Variants in CCDC85C observed in about 807,000 individuals in gnomAD.
The protein encoded by CCDC85C is coiled-coil domain containing 85C, also known as coiled-coil domain-containing protein 85C.
Under a neutral mutation model 38.3 loss-of-function variants are expected in CCDC85C, and 18 were observed. The ratio of observed to expected loss-of-function variants is 0.47; its 90% CI spans 0.33 to 0.70. CCDC85C has a LOEUF of 0.70. Ranked by LOEUF, CCDC85C falls within the 30% of genes least tolerant of loss-of-function variation. CCDC85C has a pLI of 0.03. For missense variants in CCDC85C, 566 were observed against 621.2 expected (o/e 0.91, Z 0.94); for synonymous variants, 264 against 293.8 (o/e 0.90, Z 1.04).
rs754132563 is a variant in CCDC85C at position 99,558,020 on chromosome 14, G to T, written c.794-21932C>A. ...GATGAAATATCACAGAAGAAAGTGC[G>T]TGTGCAGCTTAATCTTAGGGGAAAA... On this transcript the variant is annotated intron_variant, in intron 1 of 5. Coordinates refer to ENST00000380243, the MANE Select transcript of CCDC85C (RefSeq NM_001144995.2). This position sits in a 1 kb window ranked among gnomAD's most constrained non-coding sequence, Gnocchi z 4.2. Among the ~76,000 whole-genome samples the T allele has an allele frequency of 1.3e-5, 2 of 152,132 alleles. No individual in the cohort carries two copies. Among genetic ancestry groups the T allele is most frequent in the African/African-American group, 4.8e-5 (2 of 41,400 alleles).
At position 99,603,809 on chromosome 14, in the gene CCDC85C, C is replaced by A. The variant is rs1410973348; in HGVS notation, c.151G>T (p.Gly51Cys). ...EKVGLMLEHG[G>C]LMRDVNRRLQ... The stretch of plus-strand genomic sequence containing the variant: ...CGCCGGTTCACGTCGCGCATCAGGC[C>A]GCCGTGCTCCAGCATGAGGCCCACC... Residue 51 changes from glycine (G) to cysteine (C), a missense_variant, in exon 1 of 6, where the codon GGC (glycine) becomes TGC (cysteine). By Grantham distance (159) the Gly-to-Cys change is radical. This residue lies in a region of CCDC85C where 269 missense variants were observed against 308.2 expected (regional missense o/e 0.87). Transcript: ENST00000380243. This position sits in a 1 kb window ranked among gnomAD's most constrained non-coding sequence, Gnocchi z 7.5. The A allele has an allele frequency of 6.6e-7, 1 of 1,525,216 alleles. No homozygotes were observed. The allele number at this position is 1,525,216 out of a possible 1,614,324, so 94.5% of individuals were successfully genotyped here. A position where few individuals can be genotyped will look rare whatever the true frequency, so the allele number is the denominator to read the frequency against.
rs1167698694 is a variant in CCDC85C at position 99,513,407 on chromosome 14, A to C, written c.*1839T>G. ...CACCCAACTTCACGTGTACACCCCT[A>C]GTGACCGGGAGCGCACCACCTGACC... On this transcript the variant is annotated 3_prime_UTR_variant, in exon 6 of 6. Transcript: ENST00000380243. 6.6e-6 allele frequency: 1 copy of C among 152,234 alleles called. No homozygotes were observed. The highest frequency in any genetic ancestry group is 1.5e-5 in the Non-Finnish European group (1 of 68,066). 9.4% of individuals were successfully genotyped at this position (152,234 alleles called of 1,614,324 possible).
intron 1 of CCDC85C, among the ~76,000 whole-genome samples, chr14:99,556,583 A>G (rs564898019): frequency 1.3e-5 from 2 of 152,286 alleles, no homozygotes; most frequent in African/African-American, 4.8e-5. Flanking sequence ...CAGTGTGATC[A>G]TGGCTCACCT....
chr14:99,589,831 C>T (rs2055066594), intron 1 of CCDC85C, among the ~76,000 whole-genome samples: 2 of 152,190 alleles, frequency 1.3e-5, no homozygotes, highest in South Asian at 4.1e-4. Context: ...CCAGGAGAAT[C>T]CCGCCACTGC....
chr14:99,588,018 G>A lies in CCDC85C; in HGVS notation c.793+15149C>T, dbSNP rs991588387. On this transcript the variant is annotated intron_variant, in intron 1 of 5. Coordinates refer to ENST00000380243, the MANE Select transcript of CCDC85C (RefSeq NM_001144995.2). This position sits in a 1 kb window ranked among gnomAD's most constrained non-coding sequence, Gnocchi z 5.0. ...GGTCTCCCCTCAGCCCTTCCAGCTC[G>A]CCTGTGCCTGCCAGCCCTCACTTGA... Among the ~76,000 whole-genome samples the A allele has an allele frequency of 2.6e-5, 4 of 152,054 alleles. No homozygotes were observed. The highest frequency in any genetic ancestry group is 2.1e-4 in the South Asian group (1 of 4,824).
At chr14:99,578,050 A>AGT (rs145972098) in intron 1 of CCDC85C, among the ~76,000 whole-genome samples, 3 of 71,418 alleles carry the variant, frequency 4.2e-5, no homozygotes, top group African/African-American at 1.8e-4. Context: ...CCCCCATCAG[A>AGT]GTGTGTGTGT....
intron 1 of CCDC85C, among the ~76,000 whole-genome samples, chr14:99,584,056 CT>C (rs994333828): frequency 1.7e-4 from 26 of 151,874 alleles, no homozygotes; most frequent in Admixed American, 3.3e-4. Flanking sequence ...ACTTTTGCAA[CT>C]TTTTTTTCTT....
rs770745891 is a variant in CCDC85C at position 99,510,718 on chromosome 14, C to G, written c.*4528G>C. 4 of 1,429,310 alleles carry G rather than the reference C, an allele frequency of 2.8e-6. No individual in the cohort carries two copies. Among genetic ancestry groups the G allele is most frequent in the Non-Finnish European group, 3.7e-6 (4 of 1,090,578 alleles). 88.5% of individuals were successfully genotyped at this position (1,429,310 alleles called of 1,614,324 possible). On this transcript the variant is annotated 3_prime_UTR_variant, in exon 6 of 6. Coordinates refer to ENST00000380243, the MANE Select transcript of CCDC85C (RefSeq NM_001144995.2). ...CCTGGAGGACAGCCTCCTGTGCCCCCGCCCATTCCCCCACCCGGCATGCCT... is the reference window on the plus strand; with the variant it reads ...CCTGGAGGACAGCCTCCTGTGCCCCGGCCCATTCCCCCACCCGGCATGCCT...
chr14:99,596,152 C>G (rs377559023), intron 1 of CCDC85C, among the ~76,000 whole-genome samples: 1 of 152,212 alleles, frequency 6.6e-6, no homozygotes, highest in Non-Finnish European at 1.5e-5. Context: ...CCGGCTCTCC[C>G]GGGCCTGGCA....
intron 1 of CCDC85C, among the ~76,000 whole-genome samples, chr14:99,546,595 T>C (rs1422453096): frequency 6.6e-6 from 1 of 151,810 alleles, no homozygotes; most frequent in Non-Finnish European, 1.5e-5. Context: ...ACCAGCCAGG[T>C]GGTAGGATTC....
chr14:99,516,115 G>T lies in CCDC85C; in HGVS notation c.1170+73C>A. On this transcript the variant is annotated intron_variant, in intron 5 of 5. Transcript: ENST00000380243. This position sits in a 1 kb window ranked among gnomAD's most constrained non-coding sequence, Gnocchi z 5.5. ...GAAATGGAGTCCCACATGGGGAAGGGTATGGCCATGCTGGGTGGCCCTGGT... is the reference window on the plus strand; with the variant it reads ...GAAATGGAGTCCCACATGGGGAAGGTTATGGCCATGCTGGGTGGCCCTGGT... 1.8e-6 allele frequency: 2 copies of T among 1,138,152 alleles called. No homozygotes were observed. The highest frequency in any genetic ancestry group is 1.5e-5 in the African/African-American group (1 of 65,202). The allele number at this position is 1,138,152 out of a possible 1,614,324, so 70.5% of individuals were successfully genotyped here. A position where few individuals can be genotyped will look rare whatever the true frequency, so the allele number is the denominator to read the frequency against.
intron 1 of CCDC85C, among the ~76,000 whole-genome samples, chr14:99,554,977 C>T (rs1207796334): frequency 6.6e-6 from 1 of 152,222 alleles, no homozygotes; most frequent in African/African-American, 2.4e-5. Flanking sequence ...AGGTCTGGTG[C>T]CTGCCCACAA....
intron 1 of CCDC85C, among the ~76,000 whole-genome samples, chr14:99,565,840 G>C (rs1402389891): frequency 6.6e-6 from 1 of 152,232 alleles, no homozygotes; most frequent in Non-Finnish European, 1.5e-5. Flanking sequence ...CCAGGCCAGG[G>C]AGGAGGGTGG....
chr14:99,547,100 T>C (rs1322737546), intron 1 of CCDC85C, among the ~76,000 whole-genome samples: 1 of 152,028 alleles, frequency 6.6e-6, no homozygotes, highest in African/African-American at 2.4e-5. Flanking sequence ...GATAGGAGGA[T>C]CACTTGAAGC....
chr14:99,503,603 T>C lies in CCDC85C; in HGVS notation c.*11643A>G. 1 of 1,556,920 alleles carries C rather than the reference T, an allele frequency of 6.4e-7. No individual in the cohort carries two copies. The highest frequency in any genetic ancestry group is 1.2e-5 in the South Asian group (1 of 84,146). On this transcript the variant is annotated 3_prime_UTR_variant, in exon 6 of 6. Coordinates refer to ENST00000380243, the MANE Select transcript of CCDC85C (RefSeq NM_001144995.2). ...CAGTTAACAATTGTGTATTTTCTTT[T>C]GTAACAGGTTGTTTCTCCCAAAGAA...
At chr14:99,580,056 C>T (rs1310183858) in intron 1 of CCDC85C, 1 of 455,786 alleles carries the variant, frequency 2.2e-6, no homozygotes, top group Non-Finnish European at 4.4e-6. Flanking sequence ...CTGGCCCCTT[C>T]CTCTTGGTCT....
chr14:99,558,893 G>A lies in CCDC85C; in HGVS notation c.794-22805C>T, dbSNP rs532010443. Reference sequence around the variant, plus strand: ...GGAGGGAGGTGACCGGATCATCCGGGTGGTTTCTGATGGTTTAGTGCCACC... The same window carrying A: ...GGAGGGAGGTGACCGGATCATCCGGATGGTTTCTGATGGTTTAGTGCCACC... On this transcript the variant is annotated intron_variant, in intron 1 of 5. Transcript: ENST00000380243. The surrounding 1 kb of genome is among the most constrained non-coding windows in gnomAD (Gnocchi z 4.2). Among the ~76,000 whole-genome samples, 39 of 152,286 alleles carry A rather than the reference G, an allele frequency of 2.6e-4. No homozygotes were observed. The highest frequency in any genetic ancestry group is 8.7e-4 in the African/African-American group (36 of 41,568).
chr14:99,528,808 A>G (rs887449313), intron 2 of CCDC85C, among the ~76,000 whole-genome samples: 1 of 151,448 alleles, frequency 6.6e-6, no homozygotes, highest in Admixed American at 6.6e-5. Flanking sequence ...ACTCATTTGT[A>G]GGGGGGAACA....
intron 1 of CCDC85C, among the ~76,000 whole-genome samples, chr14:99,593,531 G>A (rs976683421): frequency 2.0e-5 from 3 of 152,236 alleles, no homozygotes; most frequent in Admixed American, 1.3e-4. Context: ...GCAAGCCAGG[G>A]TGCATCCAGG....
Sources: gnomAD v4.1 joint callset for allele counts (sites outside exome capture counted in the v4.1 genomes callset) on GRCh38, gnomAD v4.1.1 for gene constraint, gnomAD v4.1.1 regional missense constraint, Gnocchi (gnomAD v3.1) non-coding constraint, MANE v1.5 for transcripts, NCBI Gene and HGNC (gene_info 2026-07-23, HGNC 2026-07-21) for gene names.